Variants in LRRIQ1 observed in about 807,000 individuals in gnomAD.
The protein encoded by LRRIQ1 is leucine rich repeats and IQ motif containing 1, also known as leucine-rich repeat- and IQ domain-containing protein 1.
LRRIQ1 carries 210 observed loss-of-function variants against 211.9 expected under a neutral mutation model. The ratio of observed to expected loss-of-function variants is 0.99; its 90% CI spans 0.89 to 1.11. The LOEUF (loss-of-function observed/expected upper bound fraction) is 1.11. Ranked by LOEUF, LRRIQ1 falls within the 50% of genes most tolerant of loss-of-function variation. The pLI, the probability that LRRIQ1 is intolerant of heterozygous loss-of-function variation, is 0.00. For missense variants in LRRIQ1, 2,136 were observed against 1,939.5 expected, an observed-to-expected ratio of 1.10 and a Z score of -1.90; for synonymous variants, 699 against 650.1, an observed-to-expected ratio of 1.08 and a Z score of -1.14.
At position 85,122,943 on chromosome 12, in the gene LRRIQ1, TAA is replaced by T. The variant is rs1309978361; in HGVS notation, c.3557+1068_3557+1069del. The stretch of plus-strand genomic sequence containing the variant: ...ATTTTAAATGTAGTCCTTTGGAACT[TAA>T]GTTTTATTTTAGCATTGAAAATGGA... On this transcript the variant is annotated intron_variant, in intron 16 of 26. Transcript: ENST00000393217. Among the ~76,000 whole-genome samples, 14 of 152,152 alleles carry T rather than the reference TAA, an allele frequency of 9.2e-5. No individual in the cohort carries two copies. In the South Asian group the frequency reaches 1.5e-3, roughly 16 times the overall value.
At chr12:85,130,569 C>T (rs942335503) in intron 18 of LRRIQ1, among the ~76,000 whole-genome samples, 14 of 152,152 alleles carry the variant, frequency 9.2e-5, no homozygotes, top group African/African-American at 3.4e-4. Context: ...AAGCATCATT[C>T]AGTCTTTCTT....
chr12:85,098,659 A>C, intron 12 of LRRIQ1, 111 bp downstream of exon 12: 1 of 884,438 alleles, frequency 1.1e-6, no homozygotes, highest in Non-Finnish European at 1.7e-6. Flanking sequence ...TTCATTTTTC[A>C]CCATGAAGTA....
At chr12:85,229,709 C>T in intron 25 of LRRIQ1, 60 bp downstream of exon 25, 2 of 1,535,616 alleles carry the variant, frequency 1.3e-6, no homozygotes, top group African/African-American at 1.4e-5. Context: ...AAAATTGAAA[C>T]CTAGGTTAAT....
chr12:85,055,785 A>G lies in LRRIQ1; in HGVS notation c.992A>G (p.Lys331Arg). 1 of 1,603,832 alleles carries G rather than the reference A, an allele frequency of 6.2e-7. No homozygotes were observed. Among genetic ancestry groups the G allele is most frequent in the Non-Finnish European group, 8.5e-7 (1 of 1,173,868 alleles). The change falls in exon 8 of 27, where the codon AAG becomes AGG. Residue 331 changes from lysine to arginine, a missense_variant. Lys to Arg is a conservative substitution (Grantham distance 26). Coordinates refer to ENST00000393217, the MANE Select transcript of LRRIQ1 (RefSeq NM_001079910.2). Reference sequence around the variant, plus strand: ...GAAAAGGAAGCAAAAATACGACAAAAGGAGGAAGAAAATCGAAAAAGATTA... The same window carrying G: ...GAAAAGGAAGCAAAAATACGACAAAGGGAGGAAGAAAATCGAAAAAGATTA... ...WKEKEAKIRQKEEENRKRLEE... is the reference protein window; with the variant it reads ...WKEKEAKIRQREEENRKRLEE...
At chr12:85,071,888 G>T (rs1883121332) in intron 10 of LRRIQ1, among the ~76,000 whole-genome samples, 1 of 151,994 alleles carries the variant, frequency 6.6e-6, no homozygotes, top group Non-Finnish European at 1.5e-5. Context: ...CACCTGGCCT[G>T]CCCTTGACGT....
At position 85,044,775 on chromosome 12, in the gene LRRIQ1, C is replaced by T. The variant is rs746853668; in HGVS notation, c.302C>T (p.Thr101Ile). Residue 101 changes from threonine to isoleucine, a missense_variant, in exon 4 of 27, where the codon ACT becomes ATT. Physicochemically the swap from Thr to Ile is moderately conservative, Grantham distance 89. Transcript: ENST00000393217. Reference protein sequence around the residue: ...NHMHLRTGLSTEYEESSEQLI... With the variant: ...NHMHLRTGLSIEYEESSEQLI... ...ATGCATTTAAGAACAGGACTATCAA[C>T]TGAATATGAAGAAAGTTCAGAGCAA... 4 of 1,554,788 alleles carry T rather than the reference C, an allele frequency of 2.6e-6. No individual in the cohort carries two copies. In the East Asian group the frequency reaches 9.1e-5, roughly 35 times the overall value.
intron 25 of LRRIQ1, among the ~76,000 whole-genome samples, chr12:85,231,003 G>T (rs533253905): frequency 8.6e-5 from 13 of 151,806 alleles, no homozygotes; most frequent in Middle Eastern, 3.4e-3. Context: ...AGCCGAGATC[G>T]TGCCACTGCA....
chr12:85,193,878 A>C (rs1472892526), intron 24 of LRRIQ1, among the ~76,000 whole-genome samples: 6 of 150,462 alleles, frequency 4.0e-5, no homozygotes, highest in Admixed American at 6.7e-5. Context: ...ACAGACTGGC[A>C]AATTGGATAA....
chr12:85,048,558 C>CAAAAAAA (rs35906760), intron 6 of LRRIQ1: 1 of 77,958 alleles, frequency 1.3e-5, no homozygotes, highest in African/African-American at 5.3e-5. Flanking sequence ...GACTCCGTCT[C>CAAAAAAA]AAAAAAAAAA....
chr12:85,212,785 TATAG>T (rs1893898273), intron 24 of LRRIQ1, among the ~76,000 whole-genome samples: 1 of 148,438 alleles, frequency 6.7e-6, no homozygotes, highest in African/African-American at 2.5e-5. Context: ...TTTATATATA[TATAG>T]AGAGAGAGAG....
chr12:85,067,878 C>T (rs1044451636), intron 10 of LRRIQ1, among the ~76,000 whole-genome samples: 1 of 151,894 alleles, frequency 6.6e-6, no homozygotes, highest in African/African-American at 2.4e-5. Flanking sequence ...CCTCCCATCT[C>T]TTCTTCCCCT....
At chr12:85,093,784 TTA>T (rs1178467408) in intron 11 of LRRIQ1, among the ~76,000 whole-genome samples, 1 of 152,186 alleles carries the variant, frequency 6.6e-6, no homozygotes, top group Non-Finnish European at 1.5e-5. Context: ...CAGAGATTTT[TTA>T]TATGATTCAG....
At chr12:85,258,807 A>G (rs1896199767) in intron 1 of LRRIQ1, among the ~76,000 whole-genome samples, 1 of 152,048 alleles carries the variant, frequency 6.6e-6, no homozygotes, top group Non-Finnish European at 1.5e-5. Flanking sequence ...TTCTATATCC[A>G]GACACATAAT....
chr12:85,177,511 C>A (rs1325155395), intron 24 of LRRIQ1, among the ~76,000 whole-genome samples: 2 of 151,948 alleles, frequency 1.3e-5, no homozygotes, highest in African/African-American at 4.8e-5. Context: ...AATGACTATT[C>A]CAGACTAAGG....
At chr12:85,092,548 G>C (rs184833464) in intron 11 of LRRIQ1, among the ~76,000 whole-genome samples, 3 of 152,276 alleles carry the variant, frequency 2.0e-5, no homozygotes, top group Admixed American at 1.3e-4. Flanking sequence ...CAAAAGGAAA[G>C]TTGCATCTAA....
Position 85,057,128 on chromosome 12 carries a change from C to A in LRRIQ1, c.2335C>A (p.Pro779Thr). 6.3e-7 allele frequency: 1 copy of A among 1,591,224 alleles called. No homozygotes were observed. The highest frequency in any genetic ancestry group is 8.5e-7 in the Non-Finnish European group (1 of 1,172,410). ...TGTGAAATGCCCAGCCAACATGACACCCGCTTTGGATAAACTGGAAATTCT... is the reference window on the plus strand; with the variant it reads ...TGTGAAATGCCCAGCCAACATGACAACCGCTTTGGATAAACTGGAAATTCT... ...RPVKCPANMT[P>T]ALDKLEILRC... is the part of the protein sequence containing the mutation. Residue 779 changes from proline to threonine, a missense_variant, in exon 8 of 27, where the codon CCC (proline) becomes ACC (threonine). By Grantham distance (38) the Pro-to-Thr change is conservative (BLOSUM62 -1). Coordinates refer to ENST00000393217, the MANE Select transcript of LRRIQ1 (RefSeq NM_001079910.2).
the LRRIQ1 span, among the ~76,000 whole-genome samples, chr12:85,272,352 CTCAAT>C: frequency 6.6e-6 from 1 of 152,150 alleles, no homozygotes; most frequent in Admixed American, 6.5e-5. Flanking sequence ...CTTAATTCAA[CTCAAT>C]TCAATTATTA....
chr12:85,118,086 C>T (rs1204742351), intron 15 of LRRIQ1, among the ~76,000 whole-genome samples: 2 of 152,112 alleles, frequency 1.3e-5, no homozygotes, highest in Admixed American at 1.3e-4. Flanking sequence ...CTCTGATTAT[C>T]TCCTAACCCC....
chr12:85,151,209 G>C (rs1474855982), intron 19 of LRRIQ1, among the ~76,000 whole-genome samples: 14 of 151,372 alleles, frequency 9.2e-5, no homozygotes, highest in Non-Finnish European at 2.1e-4. Context: ...CAACTGAATA[G>C]AGGCACACTA....
Sources: gnomAD v4.1 joint callset for allele counts (sites outside exome capture counted in the v4.1 genomes callset) on GRCh38, gnomAD v4.1.1 for gene constraint, MANE v1.5 for transcripts, NCBI Gene and HGNC (gene_info 2026-07-23, HGNC 2026-07-21) for gene names.